The following TRAPPC9 variants were observed in gnomAD, a reference collection of about 807,000 sequenced individuals.
TRAPPC9 encodes trafficking protein particle complex subunit 9.
In TRAPPC9, 83 loss-of-function variants were observed where a neutral mutation model predicts 124.0. That is an observed-to-expected ratio of 0.67 (90% CI 0.56 to 0.80). The LOEUF is 0.80. Among genes scored for constraint, TRAPPC9 ranks in the 30% least tolerant of loss-of-function variants. TRAPPC9 has a pLI of 0.00. For synonymous variants in TRAPPC9, 638 were observed against 617.5 expected (o/e 1.03, Z -0.49); for missense variants, 1,302 against 1,508.3 (o/e 0.86, Z 2.27).
chr8:140,231,150 A>G (rs1157982557), intron 16 of TRAPPC9, among the ~76,000 whole-genome samples: 1 of 152,220 alleles, frequency 6.6e-6, no homozygotes, highest in Non-Finnish European at 1.5e-5. Flanking sequence ...AGCTAATGTC[A>G]TTTCCTAGTT....
chr8:139,966,855 C>T (rs190958168), intron 19 of TRAPPC9, among the ~76,000 whole-genome samples: 28 of 152,226 alleles, frequency 1.8e-4, no homozygotes, highest in Admixed American at 2.6e-4. Flanking sequence ...TCCCGACATA[C>T]GGTTTAGCAC....
At chr8:139,861,724 A>G (rs1416544459) in intron 21 of TRAPPC9, among the ~76,000 whole-genome samples, 4 of 152,140 alleles carry the variant, frequency 2.6e-5, no homozygotes, top group Non-Finnish European at 4.4e-5. Context: ...TGGAGCCCAC[A>G]AATCGAGTGG....
At chr8:140,217,733 G>A (rs531105124) in intron 17 of TRAPPC9, among the ~76,000 whole-genome samples, 25 of 152,238 alleles carry the variant, frequency 1.6e-4, no homozygotes, top group Non-Finnish European at 1.2e-4. Context: ...ATGCCATGGC[G>A]AGCCAGGCAC....
intron 17 of TRAPPC9, among the ~76,000 whole-genome samples, chr8:140,156,778 G>A (rs1383548835): frequency 1.3e-5 from 2 of 152,358 alleles, no homozygotes; most frequent in East Asian, 3.9e-4. Context: ...CAGAGGAGCT[G>A]TGGAATGGAG....
intron 17 of TRAPPC9, chr8:140,099,167 C>T (rs2060520139): frequency 6.6e-6 from 1 of 152,056 alleles, no homozygotes; most frequent in African/African-American, 2.4e-5. Context: ...GGTACTGACG[C>T]CCTCCGTGAT....
intron 17 of TRAPPC9, among the ~76,000 whole-genome samples, chr8:140,159,787 G>A (rs2061713606): frequency 6.6e-6 from 1 of 152,166 alleles, no homozygotes. Context: ...GGGCAGCCCT[G>A]TGTGGCCAAA....
chr8:140,345,027 C>G (rs2067300127), intron 9 of TRAPPC9, among the ~76,000 whole-genome samples: 1 of 152,246 alleles, frequency 6.6e-6, no homozygotes, highest in African/African-American at 2.4e-5. Flanking sequence ...CGGGCAGGGG[C>G]ACCCTGCGCC....
At chr8:140,345,387 G>A (rs1275190401) in intron 9 of TRAPPC9, among the ~76,000 whole-genome samples, 2 of 152,210 alleles carry the variant, frequency 1.3e-5, no homozygotes, top group African/African-American at 4.8e-5. Context: ...GAGCTGGAGT[G>A]TTCTGAGGAG....
intron 16 of TRAPPC9, among the ~76,000 whole-genome samples, chr8:140,251,610 G>T (rs991959536): frequency 2.6e-5 from 4 of 152,202 alleles, no homozygotes; most frequent in African/African-American, 9.7e-5. Context: ...ACTGAGCTGC[G>T]TCCCCCTTCC....
chr8:140,028,209 G>A (rs1047033253), intron 17 of TRAPPC9, among the ~76,000 whole-genome samples: 1 of 152,108 alleles, frequency 6.6e-6, no homozygotes, highest in Non-Finnish European at 1.5e-5. Flanking sequence ...GAAAGACACA[G>A]GATGTCCAAG....
At position 140,359,308 on chromosome 8, in the gene TRAPPC9, C is replaced by T. The variant is rs75620955; in HGVS notation, c.1495+742G>A. 2.8e-4 allele frequency among the ~76,000 whole-genome samples: 43 copies of T among 152,268 alleles called. No individual in the cohort carries two copies. The East Asian group carries it at 8.3e-3, about 29-fold the overall frequency. On this transcript the variant is annotated intron_variant, in intron 9 of 22. Coordinates refer to ENST00000438773, the MANE Select transcript of TRAPPC9 (RefSeq NM_001160372.4). ...CCCCAAGAACCCAGCTGGCACCACACACTGGGCCAGGGCCAGGGGTACAAG... is the reference window on the plus strand; with the variant it reads ...CCCCAAGAACCCAGCTGGCACCACATACTGGGCCAGGGCCAGGGGTACAAG...
At chr8:140,264,352 A>G (rs1230926209) in intron 15 of TRAPPC9, among the ~76,000 whole-genome samples, 2 of 152,068 alleles carry the variant, frequency 1.3e-5, no homozygotes, top group African/African-American at 4.8e-5. Context: ...TGGCCTCCCA[A>G]GGTGCTTCTT....
At chr8:140,040,922 T>A (rs1669974868) in intron 17 of TRAPPC9, 1 of 152,116 alleles carries the variant, frequency 6.6e-6, no homozygotes, top group Non-Finnish European at 1.5e-5. Flanking sequence ...AACAGAGGTG[T>A]CCACAGAAAG....
intron 21 of TRAPPC9, among the ~76,000 whole-genome samples, chr8:139,848,419 T>C (rs62528715): frequency 6.6e-6 from 1 of 152,112 alleles, no homozygotes; most frequent in African/African-American, 2.4e-5. Context: ...CACACGGTGA[T>C]AGATTGATTG....
Position 140,443,360 on chromosome 8 carries a change from C to T in TRAPPC9, c.585-4163G>A, listed in dbSNP as rs1379933101. 3.3e-5 allele frequency among the ~76,000 whole-genome samples: 5 copies of T among 150,868 alleles called. No homozygotes were observed. In the East Asian group the frequency reaches 9.8e-4, roughly 30 times the overall value. On this transcript the variant is annotated intron_variant, in intron 2 of 22. Coordinates refer to ENST00000438773, the MANE Select transcript of TRAPPC9 (RefSeq NM_001160372.4). ...CTGAGGCAGGAGAATGGTGTGAACC[C>T]GGGAGGCGGAGCTTGCAGTGAGCCA...
intron 21 of TRAPPC9, among the ~76,000 whole-genome samples, chr8:139,857,498 C>T (rs918012471): frequency 2.0e-5 from 3 of 152,158 alleles, no homozygotes; most frequent in African/African-American, 2.4e-5. Flanking sequence ...GCAACGTGGA[C>T]CCCAGTCCAG....
intron 14 of TRAPPC9, among the ~76,000 whole-genome samples, chr8:140,277,079 C>G (rs1407617909): frequency 6.6e-6 from 1 of 152,204 alleles, no homozygotes; most frequent in African/African-American, 2.4e-5. Flanking sequence ...GGAGTCGGAT[C>G]TGCTTCCCAC....
At chr8:139,761,704 C>T (rs1307660724) in intron 21 of TRAPPC9, among the ~76,000 whole-genome samples, 1 of 152,048 alleles carries the variant, frequency 6.6e-6, no homozygotes, top group Non-Finnish European at 1.5e-5. Flanking sequence ...CTGGGTCACC[C>T]CCCTCAGGGA....
intron 19 of TRAPPC9, among the ~76,000 whole-genome samples, chr8:139,913,534 A>C (rs1410098724): frequency 1.3e-5 from 2 of 152,210 alleles, no homozygotes; most frequent in East Asian, 3.8e-4. Flanking sequence ...TTTCTTGCTC[A>C]TGCTGTTTGC....
Sources: gnomAD v4.1 joint callset for allele counts (sites outside exome capture counted in the v4.1 genomes callset) on GRCh38, gnomAD v4.1.1 for gene constraint, MANE v1.5 for transcripts, NCBI Gene and HGNC (gene_info 2026-07-23, HGNC 2026-07-21) for gene names.